Variants in THSD4 observed in about 807,000 individuals in gnomAD.
THSD4 encodes thrombospondin type 1 domain containing 4.
In THSD4, 69 loss-of-function variants were observed where a neutral mutation model predicts 119.0. The observed-to-expected ratio is 0.58, with a 90% CI of 0.48 to 0.71. The LOEUF is 0.71. THSD4 is among the 30% of genes least tolerant of loss of function. The probability of loss-of-function intolerance (pLI) is 0.00; values close to 1 mark genes in which losing one functional copy is unlikely to be tolerated. For missense variants in THSD4, 1,393 were observed against 1,391.1 expected (o/e 1.00, Z -0.02); for synonymous variants, 524 against 540.4 (o/e 0.97, Z 0.42).
At chr15:71,467,309 A>G (rs2047514643) in intron 7 of THSD4, among the ~76,000 whole-genome samples, 1 of 152,222 alleles carries the variant, frequency 6.6e-6, no homozygotes, top group South Asian at 2.1e-4. Flanking sequence ...CAGATTGACA[A>G]GAGAAGTGCA....
At chr15:71,579,441 G>A (rs1246934289) in intron 7 of THSD4, among the ~76,000 whole-genome samples, 1 of 152,176 alleles carries the variant, frequency 6.6e-6, no homozygotes, top group Non-Finnish European at 1.5e-5. Context: ...AAATCCCTTT[G>A]AGTAAACAAG....
chr15:71,736,499 G>C (rs1347012834), intron 10 of THSD4, among the ~76,000 whole-genome samples: 1 of 142,352 alleles, frequency 7.0e-6, no homozygotes, highest in Admixed American at 7.0e-5. Context: ...CTGTGTCTCT[G>C]TCTTGCTCTC....
chr15:71,291,078 GT>G (rs1405335674), intron 6 of THSD4, among the ~76,000 whole-genome samples: 2 of 151,578 alleles, frequency 1.3e-5, no homozygotes. Context: ...TTGACTTCTT[GT>G]AAGGTAACTG....
intron 7 of THSD4, among the ~76,000 whole-genome samples, chr15:71,623,030 G>A (rs1394992730): frequency 6.6e-6 from 1 of 152,128 alleles, no homozygotes; most frequent in African/African-American, 2.4e-5. Context: ...AGCAGTGCCA[G>A]TTGATGGAGG....
At chr15:71,570,794 A>T (rs765937494) in intron 7 of THSD4, among the ~76,000 whole-genome samples, 2 of 152,140 alleles carry the variant, frequency 1.3e-5, no homozygotes, top group Non-Finnish European at 2.9e-5. Context: ...AGTGTCTTCA[A>T]CTGGAAAATA....
intron 8 of THSD4, among the ~76,000 whole-genome samples, chr15:71,712,793 T>G (rs1465104943): frequency 6.6e-6 from 1 of 152,114 alleles, no homozygotes; most frequent in Non-Finnish European, 1.5e-5. Context: ...TGGATTAATC[T>G]CAAATGCATT....
chr15:71,528,238 G>T (rs2048555923), intron 7 of THSD4, among the ~76,000 whole-genome samples: 2 of 152,146 alleles, frequency 1.3e-5, no homozygotes, highest in African/African-American at 4.8e-5. Context: ...TCAGTGATAA[G>T]AATGAGAGGT....
chr15:71,177,824 G>T (rs1216069387), intron 3 of THSD4, among the ~76,000 whole-genome samples: 1 of 149,936 alleles, frequency 6.7e-6, no homozygotes, highest in Non-Finnish European at 1.5e-5. Flanking sequence ...GGGATGCAAG[G>T]CTGGTTCAAT....
chr15:71,381,088 A>AAT (rs1356571680), intron 6 of THSD4, among the ~76,000 whole-genome samples: 4 of 152,132 alleles, frequency 2.6e-5, no homozygotes, highest in African/African-American at 9.7e-5. Flanking sequence ...GCAAGCTTAG[A>AAT]ATAGTCACCA....
At chr15:71,513,760 C>T (rs1359203928) in intron 7 of THSD4, among the ~76,000 whole-genome samples, 6 of 152,162 alleles carry the variant, frequency 3.9e-5, no homozygotes, top group African/African-American at 1.4e-4. Context: ...TTCGTAGTAG[C>T]TCAAAACTGG....
intron 6 of THSD4, among the ~76,000 whole-genome samples, chr15:71,292,290 C>T (rs1051763141): frequency 2.6e-5 from 4 of 152,056 alleles, no homozygotes; most frequent in Admixed American, 6.6e-5. Flanking sequence ...CGGGGAGGGC[C>T]TTTGAATATC....
intron 7 of THSD4, among the ~76,000 whole-genome samples, chr15:71,629,972 G>GGGGC (rs1202041898): frequency 1.3e-5 from 2 of 152,292 alleles, no homozygotes; most frequent in Non-Finnish European, 2.9e-5. Context: ...TGCTCAGAGA[G>GGGGC]GGGCCTCTGT....
At chr15:71,287,426 A>G (rs1192458041) in intron 6 of THSD4, among the ~76,000 whole-genome samples, 3 of 152,192 alleles carry the variant, frequency 2.0e-5, no homozygotes, top group East Asian at 3.9e-4. Context: ...TATATCTGTA[A>G]TAAGCATTAT....
intron 16 of THSD4, chr15:71,766,700 G>A (rs139757584): frequency 6.6e-6 from 1 of 152,258 alleles, no homozygotes; most frequent in East Asian, 1.9e-4. Flanking sequence ...GATTTGGAGA[G>A]TCTACAAAGA....
chr15:71,225,739 C>T (rs186320263), intron 4 of THSD4, among the ~76,000 whole-genome samples: 11 of 151,910 alleles, frequency 7.2e-5, no homozygotes, highest in Admixed American at 5.2e-4. Context: ...TGGGGTTTCA[C>T]CATGTTGGCT....
chr15:71,502,219 G>A (rs757120897), intron 7 of THSD4, among the ~76,000 whole-genome samples: 2 of 152,192 alleles, frequency 1.3e-5, no homozygotes, highest in East Asian at 1.9e-4. Context: ...GGGCAAGCCC[G>A]TGCATCTAGG....
chr15:71,508,783 A>G (rs923243570), intron 7 of THSD4, among the ~76,000 whole-genome samples: 4 of 152,216 alleles, frequency 2.6e-5, no homozygotes, highest in African/African-American at 9.6e-5. Flanking sequence ...TTCTCTTAAC[A>G]TTATATGAAG....
intron 6 of THSD4, among the ~76,000 whole-genome samples, chr15:71,264,237 A>G (rs1229070091): frequency 6.6e-6 from 1 of 152,246 alleles, no homozygotes; most frequent in Non-Finnish European, 1.5e-5. Context: ...GGCTTTATTC[A>G]TAGGCACTCT....
intron 7 of THSD4, among the ~76,000 whole-genome samples, chr15:71,645,550 G>C (rs1048331507): frequency 6.6e-6 from 1 of 152,124 alleles, no homozygotes; most frequent in Non-Finnish European, 1.5e-5. Flanking sequence ...GCTTGTCATC[G>C]AAATCATACC....
Sources: allele counts gnomAD v4.1 joint callset (sites outside exome capture counted in the v4.1 genomes callset), GRCh38; gene constraint gnomAD v4.1.1; transcripts MANE v1.5; gene names NCBI Gene and HGNC (gene_info 2026-07-23, HGNC 2026-07-21).